GPR149: variants seen among roughly 807,000 people sequenced by gnomAD.
GPR149 encodes probable G protein-coupled receptor 149.
Under a neutral mutation model 50.2 loss-of-function variants are expected in GPR149, and 50 were observed. That is an observed-to-expected ratio of 1.00 (90% CI 0.79 to 1.26). GPR149 has a LOEUF of 1.26. Among genes scored for constraint, GPR149 ranks in the 50% most tolerant of loss-of-function variants. GPR149 has a pLI of 0.00. For missense variants in GPR149, 983 were observed against 895.4 expected (o/e 1.10, Z -1.25); for synonymous variants, 405 against 358.2 (o/e 1.13, Z -1.48).
chr3:154,338,418 A>G, intron 3 of GPR149, 147 bp from the exon 4 acceptor site: 2 of 657,928 alleles, frequency 3.0e-6, no homozygotes, highest in Non-Finnish European at 4.9e-6. Context: ...GGATTTAAAT[A>G]CTGCCACCAA....
intron 3 of GPR149, among the ~76,000 whole-genome samples, chr3:154,350,893 A>G (rs1356357634): frequency 3.3e-5 from 5 of 152,170 alleles, no homozygotes; most frequent in Admixed American, 2.6e-4. Flanking sequence ...CTTTAAAATC[A>G]TCTCTAGATT....
intron 3 of GPR149, among the ~76,000 whole-genome samples, chr3:154,367,080 C>T (rs555597137): frequency 4.6e-5 from 7 of 152,240 alleles, no homozygotes; most frequent in African/African-American, 1.7e-4. Context: ...GGATTGGTGT[C>T]TGGTGGAGAC....
chr3:154,379,554 C>T (rs1211386204), intron 3 of GPR149, among the ~76,000 whole-genome samples: 1 of 151,932 alleles, frequency 6.6e-6, no homozygotes, highest in African/African-American at 2.4e-5. Context: ...AAATTTTCTT[C>T]TATAAGTTTT....
chr3:154,412,472 T>C (rs1242706264), intron 3 of GPR149, among the ~76,000 whole-genome samples: 1 of 152,092 alleles, frequency 6.6e-6, no homozygotes, highest in Non-Finnish European at 1.5e-5. Context: ...AAATAAATTC[T>C]GCAAAGTTTC....
intron 3 of GPR149, among the ~76,000 whole-genome samples, chr3:154,404,288 G>T (rs1711617613): frequency 6.6e-6 from 1 of 152,118 alleles, no homozygotes; most frequent in Non-Finnish European, 1.5e-5. Context: ...ACATGGCCAT[G>T]ATTATTTGGA....
intron 3 of GPR149, among the ~76,000 whole-genome samples, chr3:154,383,096 A>C (rs957054140): frequency 5.9e-5 from 9 of 152,324 alleles, no homozygotes; most frequent in Admixed American, 2.0e-4. Context: ...GGGGTGCTAT[A>C]ATAAGCCTAG....
At chr3:154,383,067 G>A (rs1231414718) in intron 3 of GPR149, among the ~76,000 whole-genome samples, 2 of 152,124 alleles carry the variant, frequency 1.3e-5, no homozygotes, top group African/African-American at 4.8e-5. Context: ...TCCATTGCTG[G>A]GGCCAGCCTG....
At chr3:154,384,369 A>G (rs1332856835) in intron 3 of GPR149, among the ~76,000 whole-genome samples, 3 of 152,212 alleles carry the variant, frequency 2.0e-5, no homozygotes, top group African/African-American at 7.2e-5. Context: ...TGCACCAATA[A>G]TCAAGGTACA....
chr3:154,398,060 C>A (rs565433036), intron 3 of GPR149, among the ~76,000 whole-genome samples: 2 of 152,158 alleles, frequency 1.3e-5, no homozygotes, highest in South Asian at 4.2e-4. Flanking sequence ...CAGTAAAGGT[C>A]ATATAAGCTT....
At chr3:154,368,786 G>GCC in intron 3 of GPR149, among the ~76,000 whole-genome samples, 1 of 152,280 alleles carries the variant, frequency 6.6e-6, no homozygotes, top group African/African-American at 2.4e-5. Context: ...TGCTTACTAA[G>GCC]CCTCCTGTTG....
intron 3 of GPR149, among the ~76,000 whole-genome samples, chr3:154,396,665 C>A (rs1462605289): frequency 6.6e-6 from 1 of 151,758 alleles, no homozygotes; most frequent in African/African-American, 2.4e-5. Context: ...TTGATATCAA[C>A]AAAATATTTT....
Position 154,421,507 on chromosome 3 carries a change from A to G in GPR149, c.1175-20T>C, listed in dbSNP as rs781729503. On this transcript the variant is annotated intron_variant, in intron 2 of 3. Transcript: ENST00000389740. ...TCTTGACTGAGTAAAAATAAAAACA[A>G]CAGTTTATGGCTAGTAAGGTAGATA... 2 of 1,351,966 alleles carry G rather than the reference A, an allele frequency of 1.5e-6. No individual in the cohort carries two copies. The highest frequency in any genetic ancestry group is 2.8e-5 in the South Asian group (2 of 72,362). The allele number at this position is 1,351,966 out of a possible 1,614,324, so 83.7% of individuals were successfully genotyped here.
Position 154,367,520 on chromosome 3 carries a change from C to T in GPR149, c.1624-29249G>A, listed in dbSNP as rs908463629. 1.2e-4 allele frequency among the ~76,000 whole-genome samples: 19 copies of T among 152,290 alleles called. 2 individuals carry two copies. Among genetic ancestry groups the T allele is most frequent in the East Asian group, 3.9e-4 (2 of 5,180 alleles). ...AACTTAAGTTACAATTCCGGTTCTC[C>T]TCAAGATCTGAGACATGTTAATTGT... On this transcript the variant is annotated intron_variant, in intron 3 of 3. Coordinates refer to ENST00000389740, the MANE Select transcript of GPR149 (RefSeq NM_001038705.3).
intron 3 of GPR149, among the ~76,000 whole-genome samples, chr3:154,411,921 C>T (rs1057456254): frequency 6.6e-6 from 1 of 151,968 alleles, no homozygotes; most frequent in Admixed American, 6.6e-5. Context: ...GACTAGTATC[C>T]CTGGTGAACA....
intron 3 of GPR149, among the ~76,000 whole-genome samples, chr3:154,339,959 T>A (rs1204496303): frequency 6.6e-6 from 1 of 151,644 alleles, no homozygotes; most frequent in Non-Finnish European, 1.5e-5. Flanking sequence ...CCGCCTAATT[T>A]TTTTGTATTT....
intron 3 of GPR149, among the ~76,000 whole-genome samples, chr3:154,389,613 T>G (rs1715118951): frequency 6.6e-6 from 1 of 151,960 alleles, no homozygotes; most frequent in South Asian, 2.1e-4. Context: ...GCAGCCCAGC[T>G]CAGCACAAGG....
At chr3:154,394,699 A>C (rs191261176) in intron 3 of GPR149, among the ~76,000 whole-genome samples, 1 of 152,278 alleles carries the variant, frequency 6.6e-6, no homozygotes, top group African/African-American at 2.4e-5. Flanking sequence ...TAAGGAACTC[A>C]TACAACTCAA....
At chr3:154,417,997 G>A (rs1436489890) in intron 3 of GPR149, among the ~76,000 whole-genome samples, 1 of 151,588 alleles carries the variant, frequency 6.6e-6, no homozygotes, top group Non-Finnish European at 1.5e-5. Flanking sequence ...ATCAAAAAGT[G>A]GGCGAAGGAC....
At chr3:154,417,159 C>T (rs1190595424) in intron 3 of GPR149, among the ~76,000 whole-genome samples, 1 of 151,902 alleles carries the variant, frequency 6.6e-6, no homozygotes, top group Non-Finnish European at 1.5e-5. Flanking sequence ...GTGGCTATCA[C>T]ATTAAGACTT....
Sources: allele counts gnomAD v4.1 joint callset (sites outside exome capture counted in the v4.1 genomes callset), GRCh38; gene constraint gnomAD v4.1.1; transcripts MANE v1.5; gene names NCBI Gene and HGNC (gene_info 2026-07-23, HGNC 2026-07-21).